The following SGSM1 variants were observed in gnomAD, a reference collection of about 807,000 sequenced individuals.
SGSM1 encodes RUN and TBC1 domain containing 2.
SGSM1 carries 73 observed loss-of-function variants against 133.8 expected under a neutral mutation model. The observed-to-expected ratio is 0.55, with a 90% CI of 0.45 to 0.66. The LOEUF (loss-of-function observed/expected upper bound fraction) is 0.66. Among genes scored for constraint, SGSM1 ranks in the 30% least tolerant of loss-of-function variants. SGSM1 has a pLI of 0.00. For missense variants in SGSM1, 1,213 were observed against 1,448.1 expected (o/e 0.84, Z 2.64); for synonymous variants, 563 against 573.0 (o/e 0.98, Z 0.25).
Position 24,817,006 on chromosome 22 carries a change from T to TG in SGSM1, c.63+10529dup, listed in dbSNP as rs201800560. ...TGGGATGGATTGCTCCACTTGGTCA[T>TG]GGGGGGGTGAGGGGTGGAGTTAGCC... On this transcript the variant is annotated intron_variant, in intron 2 of 24. Coordinates refer to ENST00000400358, the MANE Select transcript of SGSM1 (RefSeq NM_001098497.3). 5.8e-3 allele frequency among the ~76,000 whole-genome samples: 881 copies of TG among 151,804 alleles called. 9 individuals carry two copies. Among genetic ancestry groups the TG allele is most frequent in the African/African-American group, 0.02 (836 of 41,284 alleles).
rs1457543789 is a variant in SGSM1, at chr22:24,901,875, G to C, written c.2653G>C (p.Glu885Gln). The C allele has an allele frequency of 6.2e-7, 1 of 1,611,936 alleles. No individual in the cohort carries two copies. The highest frequency in any genetic ancestry group is 1.1e-5 in the South Asian group (1 of 90,384). The change falls in exon 20 of 25, where the codon GAG becomes CAG. Residue 885 changes from glutamate to glutamine, a missense_variant. Transcript: ENST00000400358. ...DLYTVNLHRI[E>Q]KDVQRCDRNY... is the part of the protein sequence containing the mutation. ...GTACACGGTGAACCTGCACCGCATC[G>C]AGAAGGATGTGCAGAGGTGCGACCG... is the stretch of plus-strand genomic sequence containing the variant.
At chr22:24,868,101 C>T (rs546573091) in intron 10 of SGSM1, among the ~76,000 whole-genome samples, 3 of 152,164 alleles carry the variant, frequency 2.0e-5, no homozygotes, top group South Asian at 2.1e-4. Flanking sequence ...TTCTAGGGGG[C>T]GTCTTTTTCC....
At chr22:24,845,868 A>G (rs1275967641) in intron 3 of SGSM1, among the ~76,000 whole-genome samples, 1 of 143,656 alleles carries the variant, frequency 7.0e-6, no homozygotes, top group Non-Finnish European at 1.5e-5. Flanking sequence ...CCCTCTCTTC[A>G]GGCAGGCAGA....
Position 24,890,105 on chromosome 22 carries a change from T to C in SGSM1, c.1771-3326T>C, listed in dbSNP as rs373682271. 4.4e-3 allele frequency among the ~76,000 whole-genome samples: 659 copies of C among 150,062 alleles called. 2 individuals are homozygous for C. Among genetic ancestry groups the C allele is most frequent in the African/African-American group, 0.013 (529 of 40,912 alleles). On this transcript the variant is annotated intron_variant, in intron 16 of 24. Coordinates refer to ENST00000400358, the MANE Select transcript of SGSM1 (RefSeq NM_001098497.3). The stretch of plus-strand genomic sequence containing the variant: ...CCAAGTAGCTGGGACTGCAGGCGCC[T>C]GCCACCACGCCTGGCTAATTTTTTG...
intron 16 of SGSM1, among the ~76,000 whole-genome samples, chr22:24,889,411 C>A (rs1037798246): frequency 7.3e-6 from 1 of 136,854 alleles, no homozygotes. Flanking sequence ...AAATGTATTT[C>A]TTTTTTTTTT....
At chr22:24,852,791 T>C (rs1457853096) in intron 5 of SGSM1, among the ~76,000 whole-genome samples, 4 of 152,046 alleles carry the variant, frequency 2.6e-5, no homozygotes, top group Admixed American at 1.3e-4. Flanking sequence ...TAAGGCAGCA[T>C]GTTCAAAGTT....
intron 8 of SGSM1, among the ~76,000 whole-genome samples, chr22:24,859,191 C>T (rs1930980167): frequency 6.6e-6 from 1 of 152,106 alleles, no homozygotes; most frequent in South Asian, 2.1e-4. Flanking sequence ...TGGAATAAAA[C>T]AAAGCCGGTG....
At position 24,905,130 on chromosome 22, in the gene SGSM1, G is replaced by A. The variant is rs780337659; in HGVS notation, c.2761G>A (p.Gly921Ser). Residue 921 changes from glycine to serine, a missense_variant, in exon 21 of 25, where the codon GGC becomes AGC. Transcript: ENST00000400358. ...CSYIWQHIEIGYVQGMCDLLA... is the reference protein window; with the variant it reads ...CSYIWQHIEISYVQGMCDLLA... The stretch of plus-strand genomic sequence containing the variant: ...CTACATCTGGCAGCACATTGAGATC[G>A]GCTATGTCCAGGGCATGTGTGATCT... 16 of 1,613,892 alleles carry A rather than the reference G, an allele frequency of 9.9e-6. No homozygotes were observed. The highest frequency in any genetic ancestry group is 2.2e-5 in the East Asian group (1 of 44,902).
chr22:24,891,444 G>C (rs1200191712), intron 16 of SGSM1, among the ~76,000 whole-genome samples: 1 of 152,136 alleles, frequency 6.6e-6, no homozygotes, highest in African/African-American at 2.4e-5. Context: ...CTTTCTCCCT[G>C]GGGTAATCAG....
chr22:24,830,114 A>G (rs1929025223), intron 2 of SGSM1, among the ~76,000 whole-genome samples: 1 of 152,168 alleles, frequency 6.6e-6, no homozygotes, highest in African/African-American at 2.4e-5. Flanking sequence ...GCAGTGTTCA[A>G]GGGTAATAAC....
At chr22:24,821,138 G>A (rs933536778) in intron 2 of SGSM1, among the ~76,000 whole-genome samples, 7 of 152,194 alleles carry the variant, frequency 4.6e-5, no homozygotes, top group Non-Finnish European at 7.3e-5. Context: ...CTGGGTTCAA[G>A]CGATTCTCCT....
At chr22:24,901,038 G>T (rs960549509) in intron 19 of SGSM1, 1 of 152,162 alleles carries the variant, frequency 6.6e-6, no homozygotes, top group African/African-American at 2.4e-5. Context: ...GTTATAAACC[G>T]CATGAGTTAC....
intron 3 of SGSM1, 85 bp downstream of exon 3, chr22:24,845,057 T>A: frequency 2.2e-6 from 3 of 1,370,784 alleles, no homozygotes; most frequent in Non-Finnish European, 3.1e-6. Flanking sequence ...TTTTGCTTTA[T>A]GACTCTGAAG....
chr22:24,850,518 C>T (rs1458706819), intron 5 of SGSM1, 86 bp downstream of exon 5: 2 of 1,529,986 alleles, frequency 1.3e-6, no homozygotes, highest in Admixed American at 4.2e-5. Flanking sequence ...CACAAAGCTG[C>T]TTTCTTTTTC....
At chr22:24,813,280 C>G (rs1010332958) in intron 2 of SGSM1, among the ~76,000 whole-genome samples, 5 of 152,256 alleles carry the variant, frequency 3.3e-5, no homozygotes, top group Admixed American at 2.0e-4. Flanking sequence ...TCGAAGGCAT[C>G]GAAGGCTTTG....
chr22:24,917,580 G>A (rs1933863652), intron 22 of SGSM1, 78 bp from the exon 23 acceptor site: 2 of 1,003,372 alleles, frequency 2.0e-6, no homozygotes, highest in Non-Finnish European at 3.1e-6. Context: ...GTGTGTGGAT[G>A]TACCACCATT....
At chr22:24,806,557 G>C in intron 2 of SGSM1, 73 bp downstream of exon 2, 1 of 1,460,770 alleles carries the variant, frequency 6.8e-7, no homozygotes, top group African/African-American at 1.5e-5. Flanking sequence ...GAGTCTTCGT[G>C]GAAGGGTGGC....
chr22:24,806,493 C>T lies in SGSM1; in HGVS notation c.63+9C>T, dbSNP rs749827339. The T allele has an allele frequency of 2.3e-5, 35 of 1,509,080 alleles. No individual in the cohort carries two copies. In the South Asian group the frequency reaches 3.2e-4, roughly 14 times the overall value. 93.5% of individuals were successfully genotyped at this position (1,509,080 alleles called of 1,614,324 possible). ...GCACCGTCAAGAAGGAGGTGGGTGCCGGGGTGGGGGCACTGGGCAGGACTC... is the reference window on the plus strand; with the variant it reads ...GCACCGTCAAGAAGGAGGTGGGTGCTGGGGTGGGGGCACTGGGCAGGACTC... On this transcript the variant is annotated intron_variant, in intron 2 of 24. Transcript: ENST00000400358.
intron 5 of SGSM1, 133 bp from the exon 6 acceptor site, chr22:24,854,863 T>C: frequency 1.5e-6 from 1 of 647,614 alleles, no homozygotes; most frequent in South Asian, 1.9e-5. Context: ...ATTATTATTA[T>C]CCCCATTTTA....
Sources: gnomAD v4.1 joint callset for allele counts (sites outside exome capture counted in the v4.1 genomes callset) on GRCh38, gnomAD v4.1.1 for gene constraint, MANE v1.5 for transcripts, NCBI Gene and HGNC (gene_info 2026-07-23, HGNC 2026-07-21) for gene names.